SYNGR1: variants seen among roughly 807,000 people sequenced by gnomAD.
SYNGR1 encodes the protein synaptogyrin-1.
Under a neutral mutation model 26.1 loss-of-function variants are expected in SYNGR1, and 14 were observed. The observed-to-expected ratio is 0.54, with a 90% CI of 0.35 to 0.84. SYNGR1 has a LOEUF of 0.84. Among genes scored for constraint, SYNGR1 ranks in the 40% least tolerant of loss-of-function variants. SYNGR1 has a pLI of 0.01. For missense variants in SYNGR1, 319 were observed against 332.9 expected, an observed-to-expected ratio of 0.96 and a Z score of 0.33; for synonymous variants, 141 against 150.1, an observed-to-expected ratio of 0.94 and a Z score of 0.44.
rs148936190 is a variant in SYNGR1 at position 39,371,451 on chromosome 22, G to A, written c.100-2865G>A. ...AGATTGCACCATTGCACTCCAGCCT[G>A]GGCAACAAGAGCGAAAGTCCATCTC... On this transcript the variant is annotated intron_variant, in intron 1 of 3. Coordinates refer to ENST00000328933, the MANE Select transcript of SYNGR1 (RefSeq NM_004711.5). Among the ~76,000 whole-genome samples, 443 of 146,932 alleles carry A rather than the reference G, an allele frequency of 3.0e-3. 1 individual carries two copies. Among genetic ancestry groups the A allele is most frequent in the Non-Finnish European group, 5.0e-3 (333 of 67,214 alleles).
At chr22:39,353,608 C>G (rs968677109) in intron 1 of SYNGR1, among the ~76,000 whole-genome samples, 4 of 152,252 alleles carry the variant, frequency 2.6e-5, no homozygotes, top group Non-Finnish European at 5.9e-5. Context: ...CCTCCCCACC[C>G]TCTGTGCCTC....
intron 1 of SYNGR1, among the ~76,000 whole-genome samples, chr22:39,357,973 T>G (rs1601650940): frequency 2.0e-5 from 3 of 152,240 alleles, no homozygotes; most frequent in East Asian, 3.9e-4. Flanking sequence ...ACCCAAGGGC[T>G]GAGGAGTGCG....
chr22:39,364,208 A>G, intron 1 of SYNGR1: 1 of 1,613,286 alleles, frequency 6.2e-7, no homozygotes, highest in African/African-American at 1.3e-5. Context: ...TTGACCTTAG[A>G]GTTTGGGATT....
At chr22:39,371,908 G>A (rs1324673349) in intron 1 of SYNGR1, among the ~76,000 whole-genome samples, 1 of 152,178 alleles carries the variant, frequency 6.6e-6, no homozygotes, top group Non-Finnish European at 1.5e-5. Context: ...GCAAAATGCT[G>A]ATGGTGCAGG....
chr22:39,360,956 C>T (rs1885442583), intron 1 of SYNGR1, among the ~76,000 whole-genome samples: 1 of 152,222 alleles, frequency 6.6e-6, no homozygotes, highest in African/African-American at 2.4e-5. Context: ...CAGGCATCTC[C>T]TTAGGGCCCC....
At chr22:39,372,057 G>C (rs1392250053) in intron 1 of SYNGR1, among the ~76,000 whole-genome samples, 1 of 151,846 alleles carries the variant, frequency 6.6e-6, no homozygotes, top group African/African-American at 2.4e-5. Flanking sequence ...CTCTCACAAG[G>C]CTATAATCAC....
At chr22:39,371,198 C>T (rs1268673426) in intron 1 of SYNGR1, among the ~76,000 whole-genome samples, 3 of 152,064 alleles carry the variant, frequency 2.0e-5, no homozygotes, top group South Asian at 2.1e-4. Context: ...TTTCTGAGGC[C>T]GGGCGTGGTG....
chr22:39,374,620 G>T, intron 2 of SYNGR1, 67 bp downstream of exon 2: 1 of 1,524,668 alleles, frequency 6.6e-7, no homozygotes. Context: ...CATAGGAGGC[G>T]GCTGCCACCC....
intron 3 of SYNGR1, chr22:39,377,746 C>T (rs977387112): frequency 1.2e-4 from 199 of 1,594,124 alleles, no homozygotes; most frequent in Admixed American, 2.3e-4. Flanking sequence ...AGTGAGGTGG[C>T]AGGAGCAGCC....
At chr22:39,377,821 A>G (rs1456902684) in intron 3 of SYNGR1, 3 of 1,527,100 alleles carry the variant, frequency 2.0e-6, no homozygotes, top group Non-Finnish European at 2.6e-6. Context: ...TGAGGAACCA[A>G]TTCAGGTTCT....
At chr22:39,374,727 AG>A (rs1925197037) in intron 2 of SYNGR1, 174 bp downstream of exon 2, 1 of 708,326 alleles carries the variant, frequency 1.4e-6, no homozygotes, top group Admixed American at 2.4e-5. Context: ...GGACCAGGAC[AG>A]GGCCTGGGAC....
chr22:39,382,174 A>G lies in SYNGR1; in HGVS notation c.*260A>G, dbSNP rs1009143995. 67 of 576,506 alleles carry G rather than the reference A, an allele frequency of 1.2e-4. No individual in the cohort carries two copies. The highest frequency in any genetic ancestry group is 1.1e-3 in the African/African-American group (57 of 53,416). The allele number at this position is 576,506 out of a possible 1,614,324, so 35.7% of individuals were successfully genotyped here. The stretch of plus-strand genomic sequence containing the variant: ...GGTATTTGCATTCATACATTGTGTC[A>G]TCAAGCATTCCTTGAGCGCCTACTG... On this transcript the variant is annotated 3_prime_UTR_variant, in exon 4 of 4. Transcript: ENST00000328933.
In SYNGR1 at chr22:39,358,298, C is replaced by A. The variant is rs1341536006; in HGVS notation, c.99+8189C>A. ...GGGATTGTAAACGCACCAATCAGCGCCCTGTCAAAACAGGCCACTCGGCTC... is the reference window on the plus strand; with the variant it reads ...GGGATTGTAAACGCACCAATCAGCGACCTGTCAAAACAGGCCACTCGGCTC... On this transcript the variant is annotated intron_variant, in intron 1 of 3. Coordinates refer to ENST00000328933, the MANE Select transcript of SYNGR1 (RefSeq NM_004711.5). Among the ~76,000 whole-genome samples, 3 of 152,198 alleles carry A rather than the reference C, an allele frequency of 2.0e-5. No homozygotes were observed. In the East Asian group the frequency reaches 5.8e-4, roughly 29 times the overall value.
chr22:39,360,950 C>T (rs945030489), intron 1 of SYNGR1, among the ~76,000 whole-genome samples: 30 of 152,344 alleles, frequency 2.0e-4, no homozygotes, highest in African/African-American at 7.2e-4. Context: ...TGCTTCCAGG[C>T]ATCTCCTTAG....
chr22:39,364,469 G>T (rs949462432), intron 1 of SYNGR1, among the ~76,000 whole-genome samples: 70 of 152,200 alleles, frequency 4.6e-4, no homozygotes, highest in Non-Finnish European at 1.5e-5. Flanking sequence ...CCAGCTCCTG[G>T]GAGGCTGTGG....
chr22:39,377,613 C>G (rs200277129), intron 3 of SYNGR1: 10 of 1,613,922 alleles, frequency 6.2e-6, no homozygotes, highest in African/African-American at 2.7e-5. Flanking sequence ...GACCGCAGCC[C>G]TGGCCGTGCG....
At chr22:39,360,317 G>A (rs1189920916) in intron 1 of SYNGR1, among the ~76,000 whole-genome samples, 1 of 152,118 alleles carries the variant, frequency 6.6e-6, no homozygotes, top group East Asian at 1.9e-4. Context: ...CCCATCTCAG[G>A]AAGACACTCC....
At chr22:39,357,994 G>A (rs1467084301) in intron 1 of SYNGR1, among the ~76,000 whole-genome samples, 3 of 152,266 alleles carry the variant, frequency 2.0e-5, no homozygotes, top group Admixed American at 6.5e-5. Context: ...AGCGCACGGC[G>A]CGGGAGTGGC....
At chr22:39,363,926 T>C (rs1924609131) in intron 1 of SYNGR1, among the ~76,000 whole-genome samples, 1 of 152,118 alleles carries the variant, frequency 6.6e-6, no homozygotes, top group Admixed American at 6.5e-5. Context: ...GCAGCTTATC[T>C]GGGGAAAGCC....
Sources: allele counts gnomAD v4.1 joint callset (sites outside exome capture counted in the v4.1 genomes callset), GRCh38; gene constraint gnomAD v4.1.1; transcripts MANE v1.5; gene names NCBI Gene and HGNC (gene_info 2026-07-23, HGNC 2026-07-21).